Variants in GAS6 observed in about 807,000 individuals in gnomAD.
GAS6 encodes the protein growth arrest specific 6.
In GAS6, 41 loss-of-function variants were observed where a neutral mutation model predicts 75.8. The ratio of observed to expected loss-of-function variants is 0.54; its 90% confidence interval spans 0.42 to 0.70. The LOEUF is 0.70. Ranked by LOEUF, GAS6 falls within the 30% of genes least tolerant of loss-of-function variation. GAS6 has a pLI of 0.00. For synonymous variants in GAS6, 432 were observed against 412.6 expected, an observed-to-expected ratio of 1.05 and a Z score of -0.57; for missense variants, 854 against 940.2, an observed-to-expected ratio of 0.91 and a Z score of 1.20.
chr13:113,846,412 G>A (rs1663383437), intron 4 of GAS6, 115 bp downstream of exon 4: 1 of 808,998 alleles, frequency 1.2e-6, no homozygotes, highest in Non-Finnish European at 2.0e-6. Flanking sequence ...CCTCGGCAAG[G>A]GACCACAGCT....
Position 113,845,944 on chromosome 13 carries a change from G to A in GAS6, c.343+583C>T, listed in dbSNP as rs7996080. ...GATTCCATCCTTGGGAACGCATCCC[G>A]CAGACACTCAGACGTGTGGGAGGCA... On this transcript the variant is annotated intron_variant, in intron 4 of 14. Transcript: ENST00000327773. This position sits in a 1 kb window ranked among gnomAD's most constrained non-coding sequence, Gnocchi z 4.3. Among the ~76,000 whole-genome samples the A allele has an allele frequency of 0.076, 11,621 of 152,294 alleles. 555 individuals carry two copies. Among genetic ancestry groups the A allele is most frequent in the African/African-American group, 0.13 (5,587 of 41,524 alleles).
intron 13 of GAS6, chr13:113,822,965 C>T (rs9604498): frequency 2.5e-5 from 4 of 160,852 alleles, no homozygotes; most frequent in African/African-American, 4.8e-5. Flanking sequence ...GTGTCCCCCA[C>T]GGAAAGACGC....
rs1594201778 is a variant in GAS6, at chr13:113,839,832, G to A, written c.362C>T (p.Thr121Met). ...TCVQNLPDQC[T>M]PNPCDRKGTQ... ...CCCCTTCCTATCGCAGGGGTTGGGC[G>A]TGCACTGGTCAGGCAGGTCTGATTG... The change falls in exon 5 of 15, where the codon ACG (threonine) becomes ATG (methionine). Residue 121 changes from threonine to methionine, a missense_variant. By Grantham distance (81) the Thr-to-Met change is moderately conservative. Transcript: ENST00000327773. 11 of 1,613,914 alleles carry A rather than the reference G, an allele frequency of 6.8e-6. No individual in the cohort carries two copies. Among genetic ancestry groups the A allele is most frequent in the East Asian group, 2.2e-5 (1 of 44,878 alleles).
intron 2 of GAS6, among the ~76,000 whole-genome samples, chr13:113,859,468 G>A (rs1454947406): frequency 6.6e-6 from 1 of 152,008 alleles, no homozygotes; most frequent in African/African-American, 2.4e-5. Context: ...GTATGTCTAT[G>A]TGAATGTGTG....
intron 2 of GAS6, among the ~76,000 whole-genome samples, chr13:113,856,514 G>A (rs763742688): frequency 2.1e-4 from 32 of 152,178 alleles, no homozygotes; most frequent in South Asian, 4.2e-4. Context: ...ACCCGTGCAC[G>A]ATTCATCTTT....
intron 4 of GAS6, chr13:113,840,115 G>A: frequency 2.1e-6 from 1 of 478,052 alleles, no homozygotes; most frequent in South Asian, 2.6e-5. Context: ...AGGTGGGAAG[G>A]GCTGAGGGCA....
chr13:113,820,680 C>T lies in GAS6; in HGVS notation c.*184G>A, dbSNP rs1471594867. The T allele has an allele frequency of 1.5e-6, 1 of 688,470 alleles. No individual in the cohort carries two copies. The highest frequency in any genetic ancestry group is 2.7e-5 in the East Asian group (1 of 36,460). The allele number at this position is 688,470 out of a possible 1,614,324, so 42.6% of individuals were successfully genotyped here. ...TGCGCCGGCCTCCCCGCGCCCGGGC[C>T]CACGGCTGAGTGCGCGGCGTCAGAG... On this transcript the variant is annotated 3_prime_UTR_variant, in exon 15 of 15. Transcript: ENST00000327773.
At chr13:113,851,245 CAA>C (rs2051871788) in intron 2 of GAS6, among the ~76,000 whole-genome samples, 3 of 149,152 alleles carry the variant, frequency 2.0e-5, no homozygotes, top group Non-Finnish European at 4.4e-5. Flanking sequence ...ATGAATAAAA[CAA>C]TGAGTGAATA....
intron 12 of GAS6, 151 bp downstream of exon 12, chr13:113,826,845 T>TCCGCCCACC (rs1039614544): frequency 1.1e-5 from 2 of 190,208 alleles, no homozygotes; most frequent in African/African-American, 4.9e-5. Context: ...TGCCCGCACC[T>TCCGCCCACC]CCGCCCACCC....
intron 2 of GAS6, among the ~76,000 whole-genome samples, chr13:113,853,449 C>T (rs1383554589): frequency 6.6e-6 from 1 of 152,222 alleles, no homozygotes; most frequent in African/African-American, 2.4e-5. Flanking sequence ...GATGTCAGTC[C>T]TGCATAAATC....
intron 6 of GAS6, among the ~76,000 whole-genome samples, chr13:113,836,846 G>GGAGGAGGGGGAA (rs2051721153): frequency 3.5e-5 from 1 of 28,568 alleles, no homozygotes; most frequent in African/African-American, 1.7e-4. Context: ...AGGAGGGGGA[G>GGAGGAGGGGGAA]TGGGGGGGAG....
At position 113,826,546 on chromosome 13, in the gene GAS6, C is replaced by T. The variant is rs113284824; in HGVS notation, c.1477+450G>A. On this transcript the variant is annotated intron_variant, in intron 12 of 14. Transcript: ENST00000327773. ...CTCCCCGGCCTCCCGGCGCCGGCCT[C>T]GCAGGCACCTTCTCTCCCCGGCCTC... is the stretch of plus-strand genomic sequence containing the variant. Among the ~76,000 whole-genome samples the T allele has an allele frequency of 1.3e-3, 123 of 94,736 alleles. 6 individuals carry two copies. The highest frequency in any genetic ancestry group is 0.01 in the Middle Eastern group (2 of 196). 62.2% of individuals were successfully genotyped at this position (94,736 alleles called of 152,430 possible). A position where few individuals can be genotyped will look rare whatever the true frequency, so the allele number is the denominator to read the frequency against.
chr13:113,831,057 T>C (rs2051624448), intron 10 of GAS6, among the ~76,000 whole-genome samples: 1 of 152,258 alleles, frequency 6.6e-6, no homozygotes, highest in Non-Finnish European at 1.5e-5. Context: ...CTTCCCAACG[T>C]TTCCTTCTGC....
intron 3 of GAS6, among the ~76,000 whole-genome samples, chr13:113,846,794 C>G (rs953117745): frequency 6.6e-6 from 1 of 152,256 alleles, no homozygotes. Context: ...TCCACCAACT[C>G]AGCGGAGTTG....
chr13:113,858,103 G>C (rs772757513), intron 2 of GAS6, among the ~76,000 whole-genome samples: 2 of 152,246 alleles, frequency 1.3e-5, no homozygotes, highest in Non-Finnish European at 2.9e-5. Context: ...TGGGGCCACA[G>C]AGCCCCGTGA....
chr13:113,832,470 GT>G lies in GAS6; in HGVS notation c.971del (p.Asp324AlafsTer27). ...LQPTRLVAEF[D>X]FRTFDPEGIL... The stretch of plus-strand genomic sequence containing the variant: ...TGCCCTCGGGGTCAAAGGTCCGGAA[GT>G]CAAACTCAGCTACCAGCCTGGGCAC... On this transcript the variant is annotated frameshift_variant, in exon 10 of 15. Coordinates refer to ENST00000327773, the MANE Select transcript of GAS6 (RefSeq NM_000820.4). 1 of 1,601,820 alleles carries G rather than the reference GT, an allele frequency of 6.2e-7. No homozygotes were observed. Among genetic ancestry groups the G allele is most frequent in the Non-Finnish European group, 8.5e-7 (1 of 1,172,154 alleles).
In GAS6 at chr13:113,833,368, G is replaced by A. The variant is rs553710085; in HGVS notation, c.835-616C>T. 5.1e-5 allele frequency: 51 copies of A among 997,668 alleles called. No individual in the cohort carries two copies. The East Asian group carries it at 7.6e-4, about 15-fold the overall frequency. 61.8% of individuals were successfully genotyped at this position (997,668 alleles called of 1,614,324 possible). Reference sequence around the variant, plus strand: ...GGGCTGGCTGGAAGCCCTGAACGTCGCAGCCCAGACCCAAGAGCCCCACGG... The same window carrying A: ...GGGCTGGCTGGAAGCCCTGAACGTCACAGCCCAGACCCAAGAGCCCCACGG... On this transcript the variant is annotated intron_variant, in intron 8 of 14. Coordinates refer to ENST00000327773, the MANE Select transcript of GAS6 (RefSeq NM_000820.4).
intron 9 of GAS6, 52 bp from the exon 10 acceptor site, chr13:113,832,540 G>C: frequency 6.3e-7 from 1 of 1,595,616 alleles, no homozygotes; most frequent in Admixed American, 1.7e-5. Context: ...CAGATGCCCG[G>C]CCCCTCCCTG....
intron 6 of GAS6, 189 bp from the exon 7 acceptor site, chr13:113,835,824 G>A (rs1446886274): frequency 6.4e-6 from 9 of 1,396,872 alleles, no homozygotes; most frequent in Non-Finnish European, 7.4e-6. Flanking sequence ...GTTGGTGCAC[G>A]CTTCTGATCA....
Sources: allele counts gnomAD v4.1 joint callset (sites outside exome capture counted in the v4.1 genomes callset), GRCh38; gene constraint gnomAD v4.1.1; non-coding constraint Gnocchi (gnomAD v3.1); transcripts MANE v1.5; gene names NCBI Gene and HGNC (gene_info 2026-07-23, HGNC 2026-07-21).